Variants in CD226 observed in about 807,000 individuals in gnomAD.
The protein encoded by CD226 is CD226 antigen.
Under a neutral mutation model 34.9 loss-of-function variants are expected in CD226, and 24 were observed. The ratio of observed to expected loss-of-function variants is 0.69; its 90% CI spans 0.50 to 0.97. The LOEUF (loss-of-function observed/expected upper bound fraction) is 0.97. Among genes scored for constraint, CD226 ranks in the 50% least tolerant of loss-of-function variants. The pLI, the probability that CD226 is intolerant of heterozygous loss-of-function variation, is 0.00. For synonymous variants in CD226, 148 were observed against 147.4 expected, an observed-to-expected ratio of 1.00 and a Z score of -0.03; for missense variants, 397 against 412.7, an observed-to-expected ratio of 0.96 and a Z score of 0.33.
At chr18:69,933,256 T>C (rs1428504397) in intron 2 of CD226, among the ~76,000 whole-genome samples, 1 of 152,216 alleles carries the variant, frequency 6.6e-6, no homozygotes, top group East Asian at 1.9e-4. Context: ...TTGAAAACTT[T>C]ACTAACAACC....
intron 3 of CD226, among the ~76,000 whole-genome samples, chr18:69,881,475 GT>G (rs1177586091): frequency 6.6e-6 from 1 of 151,994 alleles, no homozygotes; most frequent in Non-Finnish European, 1.5e-5. Flanking sequence ...GTTTTAAACA[GT>G]TTTTTTTGGC....
At chr18:69,898,927 G>A (rs1039997842) in intron 2 of CD226, among the ~76,000 whole-genome samples, 5 of 152,108 alleles carry the variant, frequency 3.3e-5, no homozygotes, top group Admixed American at 6.5e-5. Context: ...CCAAAATGTC[G>A]TAGTTAATTG....
rs1386514888 is a variant in CD226, at chr18:69,910,910, G to T, written c.383-14865C>A. On this transcript the variant is annotated intron_variant, in intron 2 of 5. Coordinates refer to ENST00000582621, the MANE Select transcript of CD226 (RefSeq NM_001303618.2). ...ATGGTAGAGCAGAAGGAATGTTTTT[G>T]CAACACCATCTTGAGTGGTACAAGG... Among the ~76,000 whole-genome samples the T allele has an allele frequency of 3.3e-5, 5 of 152,146 alleles. No homozygotes were observed. The East Asian group carries it at 9.6e-4, about 29-fold the overall frequency.
At chr18:69,911,052 G>A (rs1311876946) in intron 2 of CD226, among the ~76,000 whole-genome samples, 1 of 152,202 alleles carries the variant, frequency 6.6e-6, no homozygotes, top group Admixed American at 6.5e-5. Context: ...GGGTGTTGGC[G>A]AAGTGAGTTA....
intron 3 of CD226, among the ~76,000 whole-genome samples, chr18:69,875,123 T>G (rs1983784260): frequency 6.6e-6 from 1 of 152,050 alleles, no homozygotes; most frequent in Non-Finnish European, 1.5e-5. Context: ...TATGATAGCT[T>G]TATTTATTTT....
At position 69,886,887 on chromosome 18, in the gene CD226, C is replaced by T. The variant is rs1984588575; in HGVS notation, c.727+8814G>A. Among the ~76,000 whole-genome samples, 3 of 152,112 alleles carry T rather than the reference C, an allele frequency of 2.0e-5. No individual in the cohort carries two copies. The East Asian group carries it at 5.8e-4, about 29-fold the overall frequency. On this transcript the variant is annotated intron_variant, in intron 3 of 5. Coordinates refer to ENST00000582621, the MANE Select transcript of CD226 (RefSeq NM_001303618.2). ...GCTGAATACCTCCAAATAGACTATC[C>T]AATTTTAAACCATTTTATGAAAAAA...
At chr18:69,873,736 T>G (rs1200396830) in intron 3 of CD226, among the ~76,000 whole-genome samples, 1 of 152,082 alleles carries the variant, frequency 6.6e-6, no homozygotes, top group Admixed American at 6.6e-5. Flanking sequence ...CCCAGTGTGG[T>G]GGTGCATGCC....
At chr18:69,929,337 T>C (rs1311755382) in intron 2 of CD226, among the ~76,000 whole-genome samples, 2 of 152,186 alleles carry the variant, frequency 1.3e-5, no homozygotes, top group African/African-American at 4.8e-5. Context: ...CCATCTTGAT[T>C]TCTTCATGTA....
At chr18:69,937,016 G>GT (rs1342815529) in intron 2 of CD226, among the ~76,000 whole-genome samples, 1 of 152,106 alleles carries the variant, frequency 6.6e-6, no homozygotes, top group Non-Finnish European at 1.5e-5. Flanking sequence ...TGTCATTTTC[G>GT]TATGTTTTCT....
intron 2 of CD226, among the ~76,000 whole-genome samples, chr18:69,902,512 T>G (rs2145264819): frequency 6.6e-6 from 1 of 151,694 alleles, no homozygotes; most frequent in Middle Eastern, 3.4e-3. Flanking sequence ...CCTCTCTCCT[T>G]TCTGACCTCC....
intron 1 of CD226, 118 bp downstream of exon 1, chr18:69,947,243 G>T: frequency 1.1e-6 from 1 of 927,366 alleles, no homozygotes; most frequent in Non-Finnish European, 1.7e-6. Context: ...TAGTTTTTCT[G>T]AACAAGTGAG....
chr18:69,853,284 G>A lies in CD226; in HGVS notation c.*11030C>T, dbSNP rs992942381. The A allele has an allele frequency of 1.3e-5, 2 of 152,154 alleles. No individual in the cohort carries two copies. The highest frequency in any genetic ancestry group is 2.9e-5 in the Non-Finnish European group (2 of 68,028). The allele number at this position is 152,154 out of a possible 1,614,324, so 9.4% of individuals were successfully genotyped here. A position where few individuals can be genotyped will look rare whatever the true frequency, so the allele number is the denominator to read the frequency against. On this transcript the variant is annotated 3_prime_UTR_variant, in exon 6 of 6. Coordinates refer to ENST00000582621, the MANE Select transcript of CD226 (RefSeq NM_001303618.2). ...ACTATGAGGCAAGTCTGTAGACGTA[G>A]GTCTTTATTTCACATTAAAATGACT...
chr18:69,940,791 G>A (rs1186577020), intron 2 of CD226, among the ~76,000 whole-genome samples: 2 of 152,204 alleles, frequency 1.3e-5, no homozygotes, highest in Non-Finnish European at 2.9e-5. Context: ...CCAGCCAGCT[G>A]CAGAAATTTG....
At chr18:69,923,765 A>G (rs923138292) in intron 2 of CD226, among the ~76,000 whole-genome samples, 7 of 151,794 alleles carry the variant, frequency 4.6e-5, no homozygotes, top group Non-Finnish European at 4.4e-5. Context: ...CATCCCGGCT[A>G]AAAACGGTGA....
chr18:69,904,507 C>T (rs1211292230), intron 2 of CD226, among the ~76,000 whole-genome samples: 2 of 152,188 alleles, frequency 1.3e-5, no homozygotes, highest in East Asian at 3.8e-4. Flanking sequence ...TGAAAGGTAA[C>T]CGTGGGTCCC....
rs112148497 is a variant in CD226 at position 69,861,554 on chromosome 18, G to GTATATATATA, written c.*2750_*2759dup. 9.2e-4 allele frequency: 118 copies of GTATATATATA among 127,944 alleles called. 2 individuals carry two copies. Among genetic ancestry groups the GTATATATATA allele is most frequent in the Admixed American group, 2.1e-3 (25 of 11,718 alleles). The allele number at this position is 127,944 out of a possible 1,614,324, so 7.9% of individuals were successfully genotyped here. On this transcript the variant is annotated 3_prime_UTR_variant, in exon 6 of 6. Coordinates refer to ENST00000582621, the MANE Select transcript of CD226 (RefSeq NM_001303618.2). ...ATAAATTATATGTGTATATATATAT[G>GTATATATATA]TATATATATATATATATATGTAAAA...
chr18:69,952,045 TTAGA>T (rs2055858619), upstream of CD226, among the ~76,000 whole-genome samples: 2 of 151,960 alleles, frequency 1.3e-5, no homozygotes, highest in African/African-American at 4.8e-5. Context: ...CAATGAAGGG[TTAGA>T]TAAAGAAACT....
chr18:69,895,905 GGTC>G lies in CD226; in HGVS notation c.520_522del (p.Asp174del). ...TGGACCAAGTTGCAGTAAGTTAAGA[GGTC>G]GATCTGACGGGGCTGGATCTTTTCC... is the stretch of plus-strand genomic sequence containing the variant. On this transcript the variant is annotated inframe_deletion, in exon 3 of 6. Transcript: ENST00000582621. 2 of 1,614,148 alleles carry G rather than the reference GGTC, an allele frequency of 1.2e-6. No individual in the cohort carries two copies. The highest frequency in any genetic ancestry group is 1.7e-6 in the Non-Finnish European group (2 of 1,180,028).
In CD226 at chr18:69,947,071, T is replaced by G; in HGVS notation, c.47-2A>C. ...GCCAAAGCACCTCTTCACATAGAGC[T>G]GAAATATACAACATCACATTAATTG... is the stretch of plus-strand genomic sequence containing the variant. On this transcript the variant is annotated splice_acceptor_variant, in intron 1 of 5. Transcript: ENST00000582621. LOFTEE classifies it high-confidence loss of function. The G allele has an allele frequency of 6.2e-7, 1 of 1,607,392 alleles. No individual in the cohort carries two copies. The highest frequency in any genetic ancestry group is 1.1e-5 in the South Asian group (1 of 90,790).
Sources: gnomAD v4.1 joint callset for allele counts (sites outside exome capture counted in the v4.1 genomes callset) on GRCh38, gnomAD v4.1.1 for gene constraint, MANE v1.5 for transcripts, NCBI Gene and HGNC (gene_info 2026-07-23, HGNC 2026-07-21) for gene names.